CEMIP: variants seen among roughly 807,000 people sequenced by gnomAD.
CEMIP encodes the protein cell migration-inducing and hyaluronan-binding protein.
In CEMIP, 105 loss-of-function variants were observed where a neutral mutation model predicts 156.9. The observed-to-expected ratio is 0.67, with a 90% CI of 0.57 to 0.79. The LOEUF (loss-of-function observed/expected upper bound fraction) is 0.79, where lower values mean the gene tolerates loss of function less well. CEMIP is among the 30% of genes least tolerant of loss of function. The pLI is 0.00. For missense variants in CEMIP, 1,457 were observed against 1,769.4 expected (o/e 0.82, Z 3.17); for synonymous variants, 676 against 668.4 (o/e 1.01, Z -0.17).
At chr15:80,908,992 G>T in intron 13 of CEMIP, 105 bp from the exon 14 acceptor site, 1 of 1,053,324 alleles carries the variant, frequency 9.5e-7, no homozygotes, top group South Asian at 1.3e-5. Context: ...ACTAAGTGGA[G>T]ACTGACAAAG....
chr15:80,878,105 A>G (rs1898531948), intron 3 of CEMIP, among the ~76,000 whole-genome samples: 1 of 152,222 alleles, frequency 6.6e-6, no homozygotes. Flanking sequence ...GTCCCATTAT[A>G]AGAGTCACTG....
chr15:80,856,143 A>C (rs1039997656), intron 1 of CEMIP, among the ~76,000 whole-genome samples: 5 of 152,184 alleles, frequency 3.3e-5, no homozygotes, highest in African/African-American at 1.2e-4. Context: ...GAAGGGGATG[A>C]GGGAACTTTC....
Position 80,878,620 on chromosome 15 carries a change from T to G in CEMIP, c.95-101T>G, listed in dbSNP as rs116258322. On this transcript the variant is annotated intron_variant, in intron 3 of 29. Transcript: ENST00000394685. ...GCTTTTAGCTCTAACAGAGAGGAGG[T>G]AGGGGCCTTAAAGATGCATGGGAGC... 1,483 of 1,470,530 alleles carry G rather than the reference T, an allele frequency of 1.0e-3. 9 individuals are homozygous for G. In the African/African-American group the frequency reaches 0.019, roughly 18 times the overall value. 91.1% of individuals were successfully genotyped at this position (1,470,530 alleles called of 1,614,324 possible).
At chr15:80,861,291 C>G (rs557086965) in intron 1 of CEMIP, among the ~76,000 whole-genome samples, 2 of 152,234 alleles carry the variant, frequency 1.3e-5, no homozygotes, top group South Asian at 4.2e-4. Flanking sequence ...TTTAAAAGTA[C>G]ACATCGACTC....
At chr15:80,780,330 T>C (rs1400337734) in intron 1 of CEMIP, among the ~76,000 whole-genome samples, 1 of 151,952 alleles carries the variant, frequency 6.6e-6, no homozygotes, top group Non-Finnish European at 1.5e-5. Context: ...TCGCGTTAGG[T>C]TGTGAGGAAA....
At chr15:80,942,679 A>G (rs1007853100) in intron 27 of CEMIP, among the ~76,000 whole-genome samples, 1 of 152,198 alleles carries the variant, frequency 6.6e-6, no homozygotes, top group Non-Finnish European at 1.5e-5. Context: ...GGTTTAATCA[A>G]AAAATCTTTT....
rs143507138 is a variant in CEMIP at position 80,945,635 on chromosome 15, A to G, written c.3858-1330A>G. On this transcript the variant is annotated intron_variant, in intron 28 of 29. Transcript: ENST00000394685. ...TCACACAAGCCCTTCGCATCTTAAGATCTTTCCCGCTGTTCCCAGTGGGAC... is the reference window on the plus strand; with the variant it reads ...TCACACAAGCCCTTCGCATCTTAAGGTCTTTCCCGCTGTTCCCAGTGGGAC... Among the ~76,000 whole-genome samples, 913 of 152,210 alleles carry G rather than the reference A, an allele frequency of 6.0e-3. 6 individuals carry two copies. The highest frequency in any genetic ancestry group is 0.021 in the African/African-American group (855 of 41,534).
At chr15:80,849,541 A>G (rs1897660589) in intron 1 of CEMIP, among the ~76,000 whole-genome samples, 1 of 152,160 alleles carries the variant, frequency 6.6e-6, no homozygotes, top group Non-Finnish European at 1.5e-5. Flanking sequence ...CAACTCTGCC[A>G]GTGACCTGAG....
chr15:80,920,864 C>G (rs1900445342), intron 15 of CEMIP, among the ~76,000 whole-genome samples, 168 bp from the exon 16 acceptor site: 2 of 152,250 alleles, frequency 1.3e-5, no homozygotes, highest in Non-Finnish European at 2.9e-5. Context: ...ACTAGCACCA[C>G]ACTTTAATTA....
chr15:80,813,813 G>A (rs1896725370), intron 1 of CEMIP, among the ~76,000 whole-genome samples: 1 of 152,156 alleles, frequency 6.6e-6, no homozygotes, highest in South Asian at 2.1e-4. Flanking sequence ...TGTTGTACAA[G>A]TAAGACTTAA....
At chr15:80,896,959 G>A (rs1299354979) in intron 12 of CEMIP, among the ~76,000 whole-genome samples, 2 of 152,164 alleles carry the variant, frequency 1.3e-5, no homozygotes, top group Non-Finnish European at 2.9e-5. Flanking sequence ...GGGACATAGT[G>A]CTCAAAAGTC....
At chr15:80,900,363 A>C (rs1340503522) in intron 12 of CEMIP, among the ~76,000 whole-genome samples, 1 of 151,916 alleles carries the variant, frequency 6.6e-6, no homozygotes, top group African/African-American at 2.4e-5. Context: ...CAAGCGGGAG[A>C]GGATAAGTGG....
chr15:80,779,658 C>T (rs998734650), intron 1 of CEMIP, 44 bp downstream of exon 1: 31 of 152,374 alleles, frequency 2.0e-4, no homozygotes, highest in African/African-American at 7.2e-4. Flanking sequence ...GCTGACGGCC[C>T]ATGCCACGGA....
At chr15:80,836,023 TAA>T (rs60069943) in intron 1 of CEMIP, among the ~76,000 whole-genome samples, 3 of 148,432 alleles carry the variant, frequency 2.0e-5, no homozygotes, top group Middle Eastern at 3.4e-3. Context: ...GGTTTGCTCA[TAA>T]AAAAAAAGTG....
chr15:80,889,942 G>T (rs1898979983), intron 10 of CEMIP, among the ~76,000 whole-genome samples: 1 of 152,224 alleles, frequency 6.6e-6, no homozygotes, highest in Non-Finnish European at 1.5e-5. Context: ...ATGCAGCTAG[G>T]ATTTGGGGTG....
chr15:80,799,475 A>G (rs1225952286), intron 1 of CEMIP, among the ~76,000 whole-genome samples: 1 of 152,218 alleles, frequency 6.6e-6, no homozygotes, highest in East Asian at 1.9e-4. Flanking sequence ...AGAGTCATAT[A>G]TAGTTTCTTC....
intron 1 of CEMIP, among the ~76,000 whole-genome samples, chr15:80,841,478 C>G (rs567225703): frequency 1.3e-5 from 2 of 152,216 alleles, no homozygotes; most frequent in African/African-American, 4.8e-5. Context: ...TCTTGGTTCC[C>G]GTCCACTCTG....
intron 1 of CEMIP, among the ~76,000 whole-genome samples, chr15:80,820,348 G>A (rs763185793): frequency 6.6e-6 from 1 of 152,138 alleles, no homozygotes; most frequent in Non-Finnish European, 1.5e-5. Context: ...GTATTCCTTT[G>A]GCCTGCATAA....
At chr15:80,798,844 T>C (rs1426647513) in intron 1 of CEMIP, among the ~76,000 whole-genome samples, 2 of 152,208 alleles carry the variant, frequency 1.3e-5, no homozygotes, top group African/African-American at 2.4e-5. Flanking sequence ...ATTTATTTTT[T>C]AATGTACAAT....
Sources: allele counts gnomAD v4.1 joint callset (sites outside exome capture counted in the v4.1 genomes callset), GRCh38; gene constraint gnomAD v4.1.1; transcripts MANE v1.5; gene names NCBI Gene and HGNC (gene_info 2026-07-23, HGNC 2026-07-21).